The following CHL1 variants were observed in gnomAD, a reference collection of about 807,000 sequenced individuals.
The protein encoded by CHL1 is neural cell adhesion molecule L1-like protein.
CHL1 carries 96 observed loss-of-function variants against 141.9 expected under a neutral mutation model. The ratio of observed to expected loss-of-function variants is 0.68; its 90% CI spans 0.57 to 0.80. CHL1 has a LOEUF of 0.80. Ranked by LOEUF, CHL1 falls within the 30% of genes least tolerant of loss-of-function variation. The pLI is 0.00. For synonymous variants in CHL1, 613 were observed against 502.2 expected, an observed-to-expected ratio of 1.22 and a Z score of -2.95; for missense variants, 1,820 against 1,457.2, an observed-to-expected ratio of 1.25 and a Z score of -4.05.
chr3:384,016 G>C (rs1707371869), intron 19 of CHL1, 130 bp downstream of exon 19: 1 of 574,628 alleles, frequency 1.7e-6, no homozygotes, highest in Non-Finnish European at 3.0e-6. Flanking sequence ...AAATTAACTT[G>C]TGAGTCATCA....
At chr3:312,350 G>A (rs1326224993) in intron 2 of CHL1, among the ~76,000 whole-genome samples, 1 of 152,206 alleles carries the variant, frequency 6.6e-6, no homozygotes, top group African/African-American at 2.4e-5. Context: ...ATGAAAGAGT[G>A]TTTGAATGGA....
chr3:386,439 C>G (rs9840250), intron 19 of CHL1, among the ~76,000 whole-genome samples: 59,007 of 151,982 alleles, frequency 0.39, 12,498 homozygotes, highest in Middle Eastern at 0.48. Flanking sequence ...GGTCATGACT[C>G]ACTCATATAT....
At chr3:300,185 G>T (rs1358416782) in intron 2 of CHL1, among the ~76,000 whole-genome samples, 1 of 152,228 alleles carries the variant, frequency 6.6e-6, no homozygotes, top group Admixed American at 6.5e-5. Context: ...AAGACTTGCT[G>T]TGACCATTGA....
chr3:219,074 G>A (rs911576194), intron 1 of CHL1, among the ~76,000 whole-genome samples: 2 of 69,240 alleles, frequency 2.9e-5, no homozygotes, highest in African/African-American at 1.1e-4. Context: ...GCATGAACCC[G>A]GGAGGTGGAG....
intron 2 of CHL1, among the ~76,000 whole-genome samples, chr3:290,212 C>T (rs1574972428): frequency 6.6e-6 from 1 of 152,038 alleles, no homozygotes; most frequent in East Asian, 1.9e-4. Context: ...CATGAAAAAA[C>T]CACTTGTTTA....
intron 2 of CHL1, among the ~76,000 whole-genome samples, chr3:283,765 T>C (rs956025485): frequency 6.6e-6 from 1 of 152,188 alleles, no homozygotes; most frequent in African/African-American, 2.4e-5. Flanking sequence ...GCCAGTATTA[T>C]TCTCCCAATT....
intron 2 of CHL1, among the ~76,000 whole-genome samples, chr3:266,317 C>T (rs1436146343): frequency 6.6e-6 from 1 of 152,062 alleles, no homozygotes; most frequent in African/African-American, 2.4e-5. Flanking sequence ...CAGCGAGCGA[C>T]AAATGGAGAC....
intron 23 of CHL1, among the ~76,000 whole-genome samples, chr3:392,286 G>A (rs960917453): frequency 1.3e-5 from 2 of 152,160 alleles, no homozygotes; most frequent in Non-Finnish European, 2.9e-5. Flanking sequence ...TACCTTCCAC[G>A]CTACCTCTTC....
Position 353,629 on chromosome 3 carries a change from T to TA in CHL1, c.1034-1010dup, listed in dbSNP as rs1464352702. Among the ~76,000 whole-genome samples the TA allele has an allele frequency of 2.6e-5, 4 of 152,238 alleles. No homozygotes were observed. In the East Asian group the frequency reaches 7.7e-4, roughly 29 times the overall value. ...GTACTTTTGTTTCCTCTGATGAACTTACAGTTCTTTCCTTTTTACATAATC... is the reference window on the plus strand; with the variant it reads ...GTACTTTTGTTTCCTCTGATGAACTTAACAGTTCTTTCCTTTTTACATAATC... On this transcript the variant is annotated intron_variant, in intron 10 of 27. Transcript: ENST00000256509.
At chr3:207,423 A>G (rs1361830052) in intron 1 of CHL1, among the ~76,000 whole-genome samples, 1 of 152,176 alleles carries the variant, frequency 6.6e-6, no homozygotes, top group African/African-American at 2.4e-5. Flanking sequence ...TGTGTTGTAA[A>G]TTCAAGGATT....
intron 9 of CHL1, among the ~76,000 whole-genome samples, chr3:346,791 A>G (rs1459158947): frequency 6.6e-6 from 1 of 151,898 alleles, no homozygotes; most frequent in Non-Finnish European, 1.5e-5. Context: ...CCTTTAAAAA[A>G]CTCTTTCTAA....
chr3:254,309 A>G (rs1574868807), intron 2 of CHL1, among the ~76,000 whole-genome samples: 3 of 152,136 alleles, frequency 2.0e-5, no homozygotes, highest in African/African-American at 7.2e-5. Flanking sequence ...CTAATAAACA[A>G]GACTCTTCTT....
intron 1 of CHL1, among the ~76,000 whole-genome samples, chr3:228,190 T>C (rs913565607): frequency 6.6e-6 from 1 of 152,214 alleles, no homozygotes; most frequent in African/African-American, 2.4e-5. Context: ...ATATGTTTTT[T>C]AAGGACAATT....
In CHL1 at chr3:406,920, A is replaced by AT. The variant is rs1465479165; in HGVS notation, c.*1209_*1210insT. On this transcript the variant is annotated 3_prime_UTR_variant, in exon 28 of 28. Transcript: ENST00000256509. ...GAATGTACATCTACCCCAGCCCCTCAAAAGAAAAACTGTTTACATAGAAAT... is the reference window on the plus strand; with the variant it reads ...GAATGTACATCTACCCCAGCCCCTCATAAAGAAAAACTGTTTACATAGAAAT... 1 of 152,170 alleles carries AT rather than the reference A, an allele frequency of 6.6e-6. No homozygotes were observed. Among genetic ancestry groups the AT allele is most frequent in the Non-Finnish European group, 1.5e-5 (1 of 68,010 alleles). 9.4% of individuals were successfully genotyped at this position (152,170 alleles called of 1,614,324 possible).
rs749992949 is a variant in CHL1 at position 377,956 on chromosome 3, C to G, written c.1876+14C>G. ...TAACTGTTCTTGGTAAGTGCACTAA[C>G]TAATGAGAAATCTGTTCATTTCTTC... On this transcript the variant is annotated intron_variant, in intron 16 of 27. Transcript: ENST00000256509. 1 of 1,583,680 alleles carries G rather than the reference C, an allele frequency of 6.3e-7. No individual in the cohort carries two copies. Among genetic ancestry groups the G allele is most frequent in the South Asian group, 1.2e-5 (1 of 84,984 alleles).
At chr3:244,246 A>G (rs1238730694) in intron 1 of CHL1, among the ~76,000 whole-genome samples, 1 of 152,220 alleles carries the variant, frequency 6.6e-6, no homozygotes, top group Non-Finnish European at 1.5e-5. Context: ...AGATGCAAGT[A>G]GCTATTGTGC....
intron 2 of CHL1, among the ~76,000 whole-genome samples, chr3:305,957 T>TACACAA (rs1699192168): frequency 6.6e-6 from 1 of 152,180 alleles, no homozygotes; most frequent in Non-Finnish European, 1.5e-5. Flanking sequence ...CATAAGACTA[T>TACACAA]TAAACATGTG....
chr3:223,952 G>A (rs1288406535), intron 1 of CHL1, among the ~76,000 whole-genome samples: 1 of 152,066 alleles, frequency 6.6e-6, no homozygotes, highest in Non-Finnish European at 1.5e-5. Flanking sequence ...GAGTCAGCTG[G>A]CCTGCCCAAA....
At chr3:400,283 T>C (rs1010528249) in intron 26 of CHL1, among the ~76,000 whole-genome samples, 4 of 152,214 alleles carry the variant, frequency 2.6e-5, no homozygotes, top group Admixed American at 6.5e-5. Flanking sequence ...GCATAATTTA[T>C]GGAGTTATGC....
Sources: allele counts gnomAD v4.1 joint callset (sites outside exome capture counted in the v4.1 genomes callset), GRCh38; gene constraint gnomAD v4.1.1; transcripts MANE v1.5; gene names NCBI Gene and HGNC (gene_info 2026-07-23, HGNC 2026-07-21).